The following MUC12 variants were observed in gnomAD, a reference collection of about 807,000 sequenced individuals.
MUC12 encodes mucin-12.
A neutral mutation model predicts 230.8 loss-of-function variants in MUC12; 172 were observed. The ratio of observed to expected loss-of-function variants is 0.75; its 90% CI spans 0.66 to 0.85. The LOEUF is 0.85. Ranked by LOEUF, MUC12 falls within the 40% of genes least tolerant of loss-of-function variation. The pLI, the probability that MUC12 is intolerant of heterozygous loss-of-function variation, is 0.00. For missense variants in MUC12, 3,506 were observed against 5,920.6 expected, an observed-to-expected ratio of 0.59 and a Z score of 13.38; for synonymous variants, 1,259 against 2,401.9, an observed-to-expected ratio of 0.52 and a Z score of 13.91.
chr7:100,992,012 T>A lies in MUC12; in HGVS notation c.1449T>A (p.Ser483Arg), dbSNP rs1236527893. Reference protein sequence around the residue: ...GSMETTALPGSTTKPGLSEKS... With the variant: ...GSMETTALPGRTTKPGLSEKS... ...TGGAAACCACAGCGTTACCCGGCAG[T>A]ACCACAAAACCAGGCCTCAGTGAGA... The change falls in exon 2 of 12, where the codon AGT (serine) becomes AGA (arginine). Residue 483 changes from serine (S) to arginine (R), a missense_variant. Transcript: ENST00000536621. 4 of 1,537,900 alleles carry A rather than the reference T, an allele frequency of 2.6e-6. No individual in the cohort carries two copies. In the South Asian group the frequency reaches 4.8e-5, roughly 18 times the overall value.
At position 101,003,183 on chromosome 7, in the gene MUC12, C is replaced by A; in HGVS notation, c.12620C>A (p.Thr4207Lys). 1.1e-6 allele frequency: 1 copy of A among 873,082 alleles called. No individual in the cohort carries two copies. 54.1% of individuals were successfully genotyped at this position (873,082 alleles called of 1,614,324 possible). The change falls in exon 2 of 12, where the codon ACG becomes AAG. Residue 4207 changes from threonine to lysine, a missense_variant. Physicochemically the swap from Thr to Lys is moderately conservative, Grantham distance 78. Coordinates refer to ENST00000536621, the MANE Select transcript of MUC12 (RefSeq NM_001164462.2). ...SPDTTLSPAS[T>K]TSSGVSEEST... Reference sequence around the variant, plus strand: ...GACACAACACTTTCACCTGCCAGCACGACAAGCTCAGGCGTCAGTGAAGAA... The same window carrying A: ...GACACAACACTTTCACCTGCCAGCAAGACAAGCTCAGGCGTCAGTGAAGAA...
chr7:101,018,742 C>T lies in MUC12; in HGVS notation c.*106C>T, dbSNP rs573286096. 3 of 1,199,024 alleles carry T rather than the reference C, an allele frequency of 2.5e-6. No homozygotes were observed. The highest frequency in any genetic ancestry group is 2.5e-5 in the Admixed American group (1 of 39,710). 74.3% of individuals were successfully genotyped at this position (1,199,024 alleles called of 1,614,324 possible). On this transcript the variant is annotated 3_prime_UTR_variant, in exon 12 of 12. Transcript: ENST00000536621. ...GGTCAAGAGGAGACCGAAGTCAGGC[C>T]CTGAAGCCGGTCCTGCTCTGAGCTG...
rs1310240453 is a variant in MUC12, at chr7:100,995,396, A to G, written c.4833A>G (p.Pro1611=). The G allele has an allele frequency of 6.5e-7, 1 of 1,533,978 alleles. No homozygotes were observed. The highest frequency in any genetic ancestry group is 1.4e-5 in the African/African-American group (1 of 71,694). The part of the protein sequence containing the change: ...SQESTASHSS[P]GSTDTTLSPG... ...AATCTACAGCTTCCCACAGCAGCCC[A>G]GGCTCCACAGACACAACATTGTCCC... Residue 1611 remains proline (P), a synonymous_variant, in exon 2 of 12, where the codon CCA becomes CCG. Coordinates refer to ENST00000536621, the MANE Select transcript of MUC12 (RefSeq NM_001164462.2).
chr7:100,981,866 CTT>C (rs533760849), intron 1 of MUC12, among the ~76,000 whole-genome samples: 15 of 124,838 alleles, frequency 1.2e-4, no homozygotes, highest in East Asian at 2.5e-4. Context: ...GCTGCTGCTG[CTT>C]TTTTTTTTTT....
At chr7:100,972,210 T>C in intron 1 of MUC12, 1 of 702,912 alleles carries the variant, frequency 1.4e-6, no homozygotes, top group Non-Finnish European at 2.6e-6. Context: ...CAGATGAGGA[T>C]ATGTAGAGAC....
At chr7:100,972,282 T>C (rs1184323087) in intron 1 of MUC12, 3 of 698,118 alleles carry the variant, frequency 4.3e-6, no homozygotes, top group East Asian at 2.7e-5. Flanking sequence ...CGGCCACCAC[T>C]TGACAGTGGA....
rs541863864 is a variant in MUC12, at chr7:100,982,676, C to G, written c.68-7955C>G. ...ACTCCTGGGTTCAAGTAGTCCTCCCCCCTTGGCCTCCCAAAGTGCTGGGAT... is the reference window on the plus strand; with the variant it reads ...ACTCCTGGGTTCAAGTAGTCCTCCCGCCTTGGCCTCCCAAAGTGCTGGGAT... On this transcript the variant is annotated intron_variant, in intron 1 of 11. Transcript: ENST00000536621. Among the ~76,000 whole-genome samples, 87 of 151,518 alleles carry G rather than the reference C, an allele frequency of 5.7e-4. 1 individual carries two copies. The highest frequency in any genetic ancestry group is 1.1e-3 in the Non-Finnish European group (75 of 67,842).
At chr7:101,015,952 G>A (rs1448566773) in intron 10 of MUC12, among the ~76,000 whole-genome samples, 1 of 152,168 alleles carries the variant, frequency 6.6e-6, no homozygotes, top group Non-Finnish European at 1.5e-5. Context: ...TCAGCTAAGC[G>A]GGGTGATAGG....
In MUC12 at chr7:101,005,214, G is replaced by C. The variant is rs1434011090; in HGVS notation, c.14651G>C (p.Ser4884Thr). ...CAACAATCTACACCCTTCCCTGACA[G>C]CCCAGGCTTCACTCACACAGTGTTA... ...HSQQSTPFPD[S>T]PGFTHTVLPA... is the part of the protein sequence containing the mutation. Residue 4884 changes from serine (S) to threonine (T), a missense_variant, in exon 2 of 12, where the codon AGC becomes ACC. Transcript: ENST00000536621. 2 of 1,537,796 alleles carry C rather than the reference G, an allele frequency of 1.3e-6. No homozygotes were observed. The highest frequency in any genetic ancestry group is 4.9e-5 in the East Asian group (2 of 40,920).
At chr7:100,976,652 A>G (rs1422824931) in intron 1 of MUC12, among the ~76,000 whole-genome samples, 1 of 151,992 alleles carries the variant, frequency 6.6e-6, no homozygotes, top group Admixed American at 6.6e-5. Flanking sequence ...TGTGCTGGAC[A>G]CTTTTATAAT....
chr7:101,013,287 T>C (rs1339908720), intron 8 of MUC12, 145 bp downstream of exon 8: 1 of 859,824 alleles, frequency 1.2e-6, no homozygotes, highest in Non-Finnish European at 1.8e-6. Flanking sequence ...TCCCCTGTAA[T>C]CTCATTCCCA....
rs144292724 is a variant in MUC12 at position 101,004,599 on chromosome 7, G to T, written c.14036G>T (p.Arg4679Leu). 1.8e-5 allele frequency: 27 copies of T among 1,536,158 alleles called. No homozygotes were observed. In the African/African-American group the frequency reaches 2.9e-4, roughly 16 times the overall value. Reference protein sequence around the residue: ...HFPESSTTSGRSEESTASHSS... With the variant: ...HFPESSTTSGLSEESTASHSS... Reference sequence around the variant, plus strand: ...CCTGAGAGCTCCACAACCTCCGGCCGTAGTGAGGAATCAACAGCATCCCAC... The same window carrying T: ...CCTGAGAGCTCCACAACCTCCGGCCTTAGTGAGGAATCAACAGCATCCCAC... The change falls in exon 2 of 12, where the codon CGT (arginine) becomes CTT (leucine). Residue 4679 changes from arginine (R) to leucine (L), a missense_variant. Coordinates refer to ENST00000536621, the MANE Select transcript of MUC12 (RefSeq NM_001164462.2).
chr7:101,015,590 C>G lies in MUC12; in HGVS notation c.15801-25C>G, dbSNP rs370630052. 412 of 1,535,876 alleles carry G rather than the reference C, an allele frequency of 2.7e-4. 1 individual carries two copies. In the African/African-American group the frequency reaches 5.2e-3, roughly 19 times the overall value. On this transcript the variant is annotated intron_variant, in intron 9 of 11. Transcript: ENST00000536621. Reference sequence around the variant, plus strand: ...CCCTCCTCAGCCTCCTTGCCTACAGCTGCTCAAGGCATTTCTGTCTGCAGG... The same window carrying G: ...CCCTCCTCAGCCTCCTTGCCTACAGGTGCTCAAGGCATTTCTGTCTGCAGG...
At chr7:100,974,868 CT>C (rs1409056986) in intron 1 of MUC12, among the ~76,000 whole-genome samples, 1 of 152,246 alleles carries the variant, frequency 6.6e-6, no homozygotes, top group African/African-American at 2.4e-5. Context: ...GAAAAGAACT[CT>C]TTATCTCTGA....
intron 1 of MUC12, among the ~76,000 whole-genome samples, chr7:100,985,023 C>T (rs556417207): frequency 6.6e-5 from 10 of 152,110 alleles, no homozygotes; most frequent in South Asian, 4.2e-4. Flanking sequence ...CCCGCCACCA[C>T]GCCTGGCTAA....
chr7:100,995,687 C>T lies in MUC12; in HGVS notation c.5124C>T (p.Ala1708=), dbSNP rs1330107838. ...CTGCACCTCCTACTACCACATCAGC[C>T]TTTGTTGAGCTATCTACAACCTCCC... is the stretch of plus-strand genomic sequence containing the variant. ...TMPAPPTTTS[A]FVELSTTSHG... Residue 1708 remains alanine, a synonymous_variant, in exon 2 of 12, where the codon GCC becomes GCT. Transcript: ENST00000536621. 9 of 1,537,256 alleles carry T rather than the reference C, an allele frequency of 5.9e-6. No individual in the cohort carries two copies. Among genetic ancestry groups the T allele is most frequent in the Non-Finnish European group, 7.8e-6 (9 of 1,147,060 alleles).
chr7:100,970,135 A>G (rs1792834661), intron 1 of MUC12, among the ~76,000 whole-genome samples: 1 of 152,304 alleles, frequency 6.6e-6, no homozygotes, highest in Non-Finnish European at 1.5e-5. Flanking sequence ...GGTGTGTGAC[A>G]GTATCATCTC....
chr7:100,995,954 A>G lies in MUC12; in HGVS notation c.5391A>G (p.Ser1797=), dbSNP rs1793477262. 1 of 1,034,746 alleles carries G rather than the reference A, an allele frequency of 9.7e-7. No individual in the cohort carries two copies. The highest frequency in any genetic ancestry group is 1.3e-6 in the Non-Finnish European group (1 of 742,542). 64.1% of individuals were successfully genotyped at this position (1,034,746 alleles called of 1,614,324 possible). Residue 1797 remains serine, a synonymous_variant, in exon 2 of 12, where the codon TCA becomes TCG. Coordinates refer to ENST00000536621, the MANE Select transcript of MUC12 (RefSeq NM_001164462.2). ...CAGCTTCAGGTCGTAGTGAAGAATC[A>G]AGAACTTCCCACAGCAGCACAACAC... The part of the protein sequence containing the change: ...SSTASGRSEE[S]RTSHSSTTHT...
chr7:100,977,239 A>G (rs1475198235), intron 1 of MUC12, among the ~76,000 whole-genome samples: 1 of 151,956 alleles, frequency 6.6e-6, no homozygotes, highest in South Asian at 2.1e-4. Context: ...AACAAACACT[A>G]TTGGTGGCTT....
Sources: allele counts gnomAD v4.1 joint callset (sites outside exome capture counted in the v4.1 genomes callset), GRCh38; gene constraint gnomAD v4.1.1; transcripts MANE v1.5; gene names NCBI Gene and HGNC (gene_info 2026-07-23, HGNC 2026-07-21).